SEL1L2: variants seen among roughly 807,000 people sequenced by gnomAD.
SEL1L2 encodes protein sel-1 homolog 2.
SEL1L2 carries 89 observed loss-of-function variants against 98.8 expected under a neutral mutation model. The ratio of observed to expected loss-of-function variants is 0.90; its 90% confidence interval spans 0.76 to 1.07. SEL1L2 has a LOEUF of 1.07. SEL1L2 is among the 50% of genes least tolerant of loss of function. SEL1L2 has a pLI of 0.00. For synonymous variants in SEL1L2, 262 were observed against 278.5 expected (o/e 0.94, Z 0.59); for missense variants, 788 against 812.0 (o/e 0.97, Z 0.36).
At chr20:13,977,709 C>G (rs1289072317) in intron 1 of SEL1L2, among the ~76,000 whole-genome samples, 2 of 152,230 alleles carry the variant, frequency 1.3e-5, no homozygotes, top group Non-Finnish European at 2.9e-5. Flanking sequence ...GTCTGTTCCC[C>G]TAGCTCTCCC....
intron 1 of SEL1L2, among the ~76,000 whole-genome samples, chr20:13,973,690 C>T (rs752994764): frequency 6.6e-6 from 1 of 152,180 alleles, no homozygotes; most frequent in Non-Finnish European, 1.5e-5. Flanking sequence ...CTATCTACTG[C>T]ACACTTTATT....
chr20:13,984,242 C>T (rs1048235606), intron 1 of SEL1L2, among the ~76,000 whole-genome samples: 1 of 152,086 alleles, frequency 6.6e-6, no homozygotes, highest in African/African-American at 2.4e-5. Context: ...GAACTCCTGA[C>T]CTCAGGTGAT....
At chr20:13,958,753 A>G (rs1172200611) in intron 1 of SEL1L2, among the ~76,000 whole-genome samples, 1 of 151,020 alleles carries the variant, frequency 6.6e-6, no homozygotes, top group Admixed American at 6.6e-5. Context: ...TGGCTAACAC[A>G]CTGAAAGCCC....
chr20:13,953,623 A>G (rs2050379240), intron 2 of SEL1L2, among the ~76,000 whole-genome samples: 1 of 152,108 alleles, frequency 6.6e-6, no homozygotes, highest in African/African-American at 2.4e-5. Flanking sequence ...GCAGGGAGGA[A>G]GAGTCTGGAT....
At chr20:13,993,271 A>G (rs2052573343), upstream of SEL1L2, among the ~76,000 whole-genome samples, 2 of 152,284 alleles carry the variant, frequency 1.3e-5, no homozygotes, top group African/African-American at 4.8e-5. Context: ...ATAGCAACCG[A>G]TTTGATATGA....
At chr20:13,895,484 C>G (rs1054863197) in intron 5 of SEL1L2, among the ~76,000 whole-genome samples, 1 of 139,830 alleles carries the variant, frequency 7.2e-6, no homozygotes, top group Admixed American at 7.1e-5. Context: ...TACCATAATA[C>G]AACACATTAA....
intron 5 of SEL1L2, among the ~76,000 whole-genome samples, chr20:13,909,170 G>A (rs985142347): frequency 6.6e-6 from 1 of 151,650 alleles, no homozygotes. Flanking sequence ...CTGTTGCTAT[G>A]TTGTCCTCAC....
intron 5 of SEL1L2, among the ~76,000 whole-genome samples, chr20:13,906,472 A>G (rs183008948): frequency 6.6e-6 from 1 of 152,326 alleles, no homozygotes; most frequent in African/African-American, 2.4e-5. Context: ...ATACCAAACA[A>G]AAGTGTGAAT....
intron 2 of SEL1L2, among the ~76,000 whole-genome samples, chr20:13,933,339 AC>A (rs2049242561): frequency 6.6e-6 from 1 of 152,180 alleles, no homozygotes; most frequent in Admixed American, 6.5e-5. Context: ...GACATGTGCA[AC>A]CATTACCACA....
At chr20:13,901,910 G>A (rs2047701006) in intron 5 of SEL1L2, among the ~76,000 whole-genome samples, 1 of 152,136 alleles carries the variant, frequency 6.6e-6, no homozygotes, top group South Asian at 2.1e-4. Context: ...CAATCCACCC[G>A]CCTCAGCCTT....
At chr20:13,891,914 G>A (rs1310859366) in intron 5 of SEL1L2, among the ~76,000 whole-genome samples, 1 of 152,086 alleles carries the variant, frequency 6.6e-6, no homozygotes, top group Admixed American at 6.6e-5. Flanking sequence ...CTATGAAAAG[G>A]TATGTATGTA....
chr20:13,862,874 T>C (rs769057752), intron 17 of SEL1L2, among the ~76,000 whole-genome samples: 5 of 151,972 alleles, frequency 3.3e-5, no homozygotes, highest in African/African-American at 4.8e-5. Context: ...TCTTTTATTT[T>C]TTTGTAGAGA....
At chr20:13,854,130 T>C (rs1988762670) in intron 18 of SEL1L2, among the ~76,000 whole-genome samples, 1 of 152,236 alleles carries the variant, frequency 6.6e-6, no homozygotes, top group Non-Finnish European at 1.5e-5. Flanking sequence ...ACCAGACCAA[T>C]GAGAAATAAA....
At chr20:13,946,311 C>A (rs1358061878) in intron 2 of SEL1L2, among the ~76,000 whole-genome samples, 1 of 151,964 alleles carries the variant, frequency 6.6e-6, no homozygotes. Context: ...AATACAAAAT[C>A]AATACAAAAT....
intron 2 of SEL1L2, among the ~76,000 whole-genome samples, chr20:13,934,109 C>T (rs181324168): frequency 1.3e-5 from 2 of 150,258 alleles, no homozygotes; most frequent in East Asian, 4.0e-4. Context: ...GCCTTTTATT[C>T]CTCATCCTCT....
chr20:13,868,606 C>CTTTT (rs1259507156), intron 14 of SEL1L2, among the ~76,000 whole-genome samples: 1 of 138,596 alleles, frequency 7.2e-6, no homozygotes, highest in Non-Finnish European at 1.6e-5. Context: ...TTCTTTCTTA[C>CTTTT]TTTTTTTTTT....
chr20:13,950,412 G>C (rs1234270518), intron 2 of SEL1L2, among the ~76,000 whole-genome samples: 1 of 152,122 alleles, frequency 6.6e-6, no homozygotes, highest in Non-Finnish European at 1.5e-5. Context: ...CTGTGGTCCT[G>C]GGGTGATGAG....
In SEL1L2 at chr20:13,859,261, C is replaced by T; in HGVS notation, c.1818+1G>A. 6.2e-7 allele frequency: 1 copy of T among 1,613,716 alleles called. No individual in the cohort carries two copies. ...GTTTGAATTATTACCAGCAAAATTA[C>T]CTTTGTGATGCCTAAGCCGTGTTCA... On this transcript the variant is annotated splice_donor_variant, in intron 18 of 19. Transcript: ENST00000284951. LOFTEE classifies it high-confidence loss of function.
chr20:13,989,143 C>G (rs2052408645), intron 1 of SEL1L2, among the ~76,000 whole-genome samples: 2 of 152,136 alleles, frequency 1.3e-5, no homozygotes, highest in South Asian at 2.1e-4. Context: ...GTAGTGAAGT[C>G]TTCTTTAACT....
Sources: allele counts gnomAD v4.1 joint callset (sites outside exome capture counted in the v4.1 genomes callset), GRCh38; gene constraint gnomAD v4.1.1; transcripts MANE v1.5; gene names NCBI Gene and HGNC (gene_info 2026-07-23, HGNC 2026-07-21).